Variants in VPS13B observed in about 807,000 individuals in gnomAD.
The protein encoded by VPS13B is vacuolar protein sorting 13 homolog B.
In VPS13B, 285 loss-of-function variants were observed where a neutral mutation model predicts 426.4. That is an observed-to-expected ratio of 0.67 (90% CI 0.61 to 0.74). The LOEUF is 0.74. Among genes scored for constraint, VPS13B ranks in the 30% least tolerant of loss-of-function variants. The pLI is 0.00. For missense variants in VPS13B, 4,537 were observed against 4,782.6 expected (o/e 0.95, Z 1.51); for synonymous variants, 1,676 against 1,676.4 (o/e 1.00, Z 0.01).
At chr8:99,345,392 A>G (rs529157033) in intron 19 of VPS13B, among the ~76,000 whole-genome samples, 3 of 152,340 alleles carry the variant, frequency 2.0e-5, no homozygotes, top group African/African-American at 7.2e-5. Context: ...TTTGTAGGCC[A>G]TACAGCCTTT....
At chr8:99,592,988 C>G (rs1350077860) in intron 33 of VPS13B, among the ~76,000 whole-genome samples, 1 of 152,136 alleles carries the variant, frequency 6.6e-6, no homozygotes, top group Non-Finnish European at 1.5e-5. Context: ...CAGTACCATT[C>G]AGGACATAGG....
chr8:99,121,942 C>T (rs1847966317), intron 8 of VPS13B, among the ~76,000 whole-genome samples: 1 of 149,690 alleles, frequency 6.7e-6, no homozygotes, highest in African/African-American at 2.5e-5. Flanking sequence ...ACCTCTGCCT[C>T]CCGGGCTCAA....
intron 17 of VPS13B, among the ~76,000 whole-genome samples, chr8:99,198,629 A>G (rs373167484): frequency 5.1e-4 from 77 of 152,298 alleles, no homozygotes; most frequent in Middle Eastern, 3.4e-3. Context: ...TGTAACCTCA[A>G]GTTCTGTCAT....
chr8:99,329,807 A>C (rs1365073049), intron 19 of VPS13B, among the ~76,000 whole-genome samples: 1 of 152,086 alleles, frequency 6.6e-6, no homozygotes, highest in Admixed American at 6.6e-5. Flanking sequence ...ACAGCAAATA[A>C]AAATAAAATA....
At chr8:99,694,840 C>T (rs1048339117) in intron 35 of VPS13B, among the ~76,000 whole-genome samples, 2 of 152,074 alleles carry the variant, frequency 1.3e-5, no homozygotes, top group African/African-American at 4.8e-5. Context: ...TGAATTCAAA[C>T]AAATTTACAA....
chr8:99,770,994 T>C (rs1452989313), intron 40 of VPS13B, among the ~76,000 whole-genome samples: 1 of 152,178 alleles, frequency 6.6e-6, no homozygotes, highest in Non-Finnish European at 1.5e-5. Context: ...TTCCCTGGGT[T>C]TGAAATCAAT....
chr8:99,016,828 G>C (rs1466744887), intron 2 of VPS13B, among the ~76,000 whole-genome samples: 1 of 151,970 alleles, frequency 6.6e-6, no homozygotes, highest in Non-Finnish European at 1.5e-5. Context: ...CTGACCTTGT[G>C]ATCCTCCTGT....
At chr8:99,077,606 A>G (rs529749690) in intron 3 of VPS13B, among the ~76,000 whole-genome samples, 1 of 151,984 alleles carries the variant, frequency 6.6e-6, no homozygotes, top group Admixed American at 6.6e-5. Flanking sequence ...ATTTTAGTCT[A>G]GTGGGGATTT....
chr8:99,824,060 A>G (rs887157007), intron 51 of VPS13B, 82 bp downstream of exon 51: 2 of 1,512,704 alleles, frequency 1.3e-6, no homozygotes, highest in East Asian at 2.3e-5. Flanking sequence ...AACCTATAGC[A>G]AATGAAAAGC....
intron 42 of VPS13B, among the ~76,000 whole-genome samples, chr8:99,780,815 T>G (rs1811984009): frequency 6.6e-6 from 1 of 152,192 alleles, no homozygotes; most frequent in African/African-American, 2.4e-5. Flanking sequence ...TGCACTACTT[T>G]GAAATTATAG....
chr8:99,831,074 T>C (rs1815017493), intron 51 of VPS13B, among the ~76,000 whole-genome samples: 1 of 140,962 alleles, frequency 7.1e-6, no homozygotes, highest in Non-Finnish European at 1.6e-5. Context: ...TGGTGTTTTT[T>C]TCTTTTTTTT....
chr8:99,773,598 C>T (rs553066913), intron 40 of VPS13B, among the ~76,000 whole-genome samples: 51 of 152,194 alleles, frequency 3.4e-4, no homozygotes, highest in Non-Finnish European at 6.6e-4. Flanking sequence ...CCATCCTTCT[C>T]ACTGTCTAGG....
At chr8:99,640,404 C>T (rs980729950) in intron 33 of VPS13B, among the ~76,000 whole-genome samples, 5 of 151,952 alleles carry the variant, frequency 3.3e-5, no homozygotes, top group African/African-American at 1.2e-4. Context: ...GTAGCTGGGA[C>T]CACAGGGGCA....
chr8:99,168,186 T>C (rs1055835792), intron 15 of VPS13B, among the ~76,000 whole-genome samples: 3 of 152,138 alleles, frequency 2.0e-5, no homozygotes, highest in Admixed American at 6.5e-5. Flanking sequence ...AGGTCCTGTT[T>C]TATTGTAATT....
chr8:99,097,863 A>T (rs938085002), intron 4 of VPS13B, among the ~76,000 whole-genome samples: 3 of 152,150 alleles, frequency 2.0e-5, no homozygotes, highest in African/African-American at 7.2e-5. Context: ...CAGGGAAAAA[A>T]AATCTCCAGA....
intron 21 of VPS13B, among the ~76,000 whole-genome samples, chr8:99,415,408 G>T (rs1427558698): frequency 6.6e-6 from 1 of 151,838 alleles, no homozygotes; most frequent in East Asian, 2.0e-4. Context: ...TCCGAAGCCT[G>T]CCTCTATCAA....
At chr8:99,142,411 A>G (rs1340243509) in intron 12 of VPS13B, among the ~76,000 whole-genome samples, 1 of 152,196 alleles carries the variant, frequency 6.6e-6, no homozygotes, top group Non-Finnish European at 1.5e-5. Context: ...TTTAGAAAAC[A>G]GTGTATGAGG....
At chr8:99,788,689 A>G (rs1812393912) in intron 43 of VPS13B, among the ~76,000 whole-genome samples, 1 of 152,182 alleles carries the variant, frequency 6.6e-6, no homozygotes, top group African/African-American at 2.4e-5. Flanking sequence ...ATAACATTTA[A>G]ATTTCATATA....
intron 19 of VPS13B, chr8:99,345,943 G>C (rs558698109): frequency 2.6e-5 from 4 of 152,328 alleles, no homozygotes; most frequent in South Asian, 2.1e-4. Context: ...AGCTGGATCA[G>C]ATCCAATTCT....
Sources: allele counts gnomAD v4.1 joint callset (sites outside exome capture counted in the v4.1 genomes callset), GRCh38; gene constraint gnomAD v4.1.1; transcripts MANE v1.5; gene names NCBI Gene and HGNC (gene_info 2026-07-23, HGNC 2026-07-21).